Variants in DNAH6 observed in about 807,000 individuals in gnomAD.
DNAH6 encodes axonemal beta dynein heavy chain 6.
In DNAH6, 340 loss-of-function variants were observed where a neutral mutation model predicts 491.4. The ratio of observed to expected loss-of-function variants is 0.69; its 90% CI spans 0.63 to 0.76. The LOEUF (loss-of-function observed/expected upper bound fraction) is 0.76, where lower values mean the gene tolerates loss of function less well. Among genes scored for constraint, DNAH6 ranks in the 30% least tolerant of loss-of-function variants. The pLI is 0.00. For missense variants in DNAH6, 4,443 were observed against 4,972.2 expected, an observed-to-expected ratio of 0.89 and a Z score of 3.20; for synonymous variants, 1,603 against 1,686.1, an observed-to-expected ratio of 0.95 and a Z score of 1.21.
chr2:84,510,863 T>G, the DNAH6 span, among the ~76,000 whole-genome samples: 2 of 152,222 alleles, frequency 1.3e-5, no homozygotes, highest in African/African-American at 4.8e-5. Flanking sequence ...TGCCTGGGTA[T>G]CAGCAGCAGA....
In DNAH6 at chr2:84,588,472, G is replaced by A. The variant is rs61546418; in HGVS notation, c.2482-354G>A. On this transcript the variant is annotated intron_variant, in intron 15 of 76. Transcript: ENST00000389394. The stretch of plus-strand genomic sequence containing the variant: ...CTTTCCATTCCTTTATTGTAAAGTG[G>A]AAATTTACCGTATATCATATCCCCT... 3.6e-3 allele frequency among the ~76,000 whole-genome samples: 548 copies of A among 152,214 alleles called. 5 individuals carry two copies. The highest frequency in any genetic ancestry group is 0.012 in the African/African-American group (516 of 41,514).
At chr2:84,594,214 C>A in intron 17 of DNAH6, 129 bp downstream of exon 17, 1 of 420,418 alleles carries the variant, frequency 2.4e-6, no homozygotes, top group Non-Finnish European at 4.0e-6. Context: ...GCAATGGTAT[C>A]ATTTTCTGAT....
intron 31 of DNAH6, among the ~76,000 whole-genome samples, chr2:84,640,122 C>T (rs905306303): frequency 6.6e-6 from 1 of 152,188 alleles, no homozygotes; most frequent in Non-Finnish European, 1.5e-5. Context: ...CACCATCCAA[C>T]TTTCACGATG....
At chr2:84,692,600 A>G (rs945616056) in intron 45 of DNAH6, among the ~76,000 whole-genome samples, 2 of 152,152 alleles carry the variant, frequency 1.3e-5, no homozygotes, top group African/African-American at 4.8e-5. Flanking sequence ...TTATGTTTAT[A>G]TTTTATGTCT....
rs757190252 is a variant in DNAH6 at position 84,579,482 on chromosome 2, G to A, written c.2077-45G>A. On this transcript the variant is annotated intron_variant, in intron 13 of 76. Coordinates refer to ENST00000389394, the MANE Select transcript of DNAH6 (RefSeq NM_001370.2). ...ATTTGTCTGAAATACATAATAAAAT[G>A]AAAATATTCGACTATTTACAATTCA... 11 of 1,594,736 alleles carry A rather than the reference G, an allele frequency of 6.9e-6. No homozygotes were observed. In the South Asian group the frequency reaches 1.2e-4, roughly 18 times the overall value.
At chr2:84,794,550 T>G (rs939824394) in intron 68 of DNAH6, among the ~76,000 whole-genome samples, 4 of 150,950 alleles carry the variant, frequency 2.6e-5, no homozygotes, top group African/African-American at 9.7e-5. Flanking sequence ...AAGAAGACAT[T>G]TATGCAGCCA....
At chr2:84,611,937 C>A in intron 22 of DNAH6, 83 bp downstream of exon 22, 1 of 1,234,222 alleles carries the variant, frequency 8.1e-7, no homozygotes, top group Non-Finnish European at 1.1e-6. Flanking sequence ...AAATGTTTCT[C>A]TGGGAATCTA....
In DNAH6 at chr2:84,621,446, G is replaced by A; in HGVS notation, c.3966G>A (p.Leu1322=). The A allele has an allele frequency of 1.3e-6, 2 of 1,540,248 alleles. No individual in the cohort carries two copies. The highest frequency in any genetic ancestry group is 8.8e-7 in the Non-Finnish European group (1 of 1,137,212). Residue 1322 remains leucine (L), a synonymous_variant, in exon 26 of 77, where the codon CTG becomes CTA. Transcript: ENST00000389394. Reference sequence around the variant, plus strand: ...AACATGTTTTCTTGCAGGTTATCCTGACTGTTTCTCAAATTATGTGGTGCC... The same window carrying A: ...AACATGTTTTCTTGCAGGTTATCCTAACTGTTTCTCAAATTATGTGGTGCC... The part of the protein sequence containing the change: ...VVAGHPSQVI[L]TVSQIMWCRD...
intron 71 of DNAH6, among the ~76,000 whole-genome samples, chr2:84,807,481 G>T (rs77586834): frequency 6.6e-6 from 1 of 152,154 alleles, no homozygotes; most frequent in Non-Finnish European, 1.5e-5. Context: ...TAATAATGCA[G>T]TCAGTCCCTT....
At chr2:84,685,739 C>T (rs1357462588) in intron 43 of DNAH6, among the ~76,000 whole-genome samples, 1 of 151,988 alleles carries the variant, frequency 6.6e-6, no homozygotes, top group African/African-American at 2.4e-5. Context: ...CCCTTGGGCT[C>T]AGGAGTTCGA....
the DNAH6 span, among the ~76,000 whole-genome samples, chr2:84,468,931 C>T: frequency 2.6e-5 from 4 of 152,096 alleles, no homozygotes; most frequent in Non-Finnish European, 5.9e-5. Context: ...AGACTTCATC[C>T]GGTTTTTTTG....
At chr2:84,702,642 G>A (rs761295640) in intron 49 of DNAH6, among the ~76,000 whole-genome samples, 6 of 149,726 alleles carry the variant, frequency 4.0e-5, no homozygotes, top group Admixed American at 1.3e-4. Context: ...TCCCAGGTTC[G>A]TGCCATTCTC....
intron 40 of DNAH6, among the ~76,000 whole-genome samples, chr2:84,673,287 G>T (rs1692922344): frequency 6.6e-6 from 1 of 152,096 alleles, no homozygotes; most frequent in African/African-American, 2.4e-5. Flanking sequence ...GAGGAATCTG[G>T]ATTTATCCTG....
At chr2:84,683,492 G>A (rs146381409) in intron 42 of DNAH6, among the ~76,000 whole-genome samples, 60 of 137,904 alleles carry the variant, frequency 4.4e-4, no homozygotes, top group African/African-American at 1.4e-3. Context: ...GCGTGATCTC[G>A]GCTCACTGCA....
At chr2:84,647,241 T>G (rs1441222902) in intron 33 of DNAH6, among the ~76,000 whole-genome samples, 1 of 152,140 alleles carries the variant, frequency 6.6e-6, no homozygotes, top group Non-Finnish European at 1.5e-5. Flanking sequence ...CTTCATGAAG[T>G]TGAAGCAAAG....
At chr2:84,499,239 C>G in the DNAH6 span, among the ~76,000 whole-genome samples, 2 of 151,952 alleles carry the variant, frequency 1.3e-5, no homozygotes, top group South Asian at 4.2e-4. Context: ...CTCTGTGTAT[C>G]CATGAGTTCA....
chr2:84,747,783 T>C (rs1359794958), intron 63 of DNAH6, among the ~76,000 whole-genome samples: 2 of 152,092 alleles, frequency 1.3e-5, no homozygotes, highest in Non-Finnish European at 2.9e-5. Context: ...TTCCAATACA[T>C]CCAATACATT....
chr2:84,679,225 C>A (rs77295602), intron 41 of DNAH6, among the ~76,000 whole-genome samples: 2,766 of 152,170 alleles, frequency 0.018, 35 homozygotes, highest in Middle Eastern at 0.061. Flanking sequence ...CACGATTAGT[C>A]CTATCATTGT....
chr2:84,743,291 A>G (rs1452563864), intron 62 of DNAH6, among the ~76,000 whole-genome samples: 1 of 152,252 alleles, frequency 6.6e-6, no homozygotes, highest in African/African-American at 2.4e-5. Flanking sequence ...AACAATTTAA[A>G]AAAACTTTCC....
Sources: allele counts gnomAD v4.1 joint callset (sites outside exome capture counted in the v4.1 genomes callset), GRCh38; gene constraint gnomAD v4.1.1; transcripts MANE v1.5; gene names NCBI Gene and HGNC (gene_info 2026-07-23, HGNC 2026-07-21).